BBOF1: variants seen among roughly 807,000 people sequenced by gnomAD.
BBOF1 encodes basal body orientation factor 1, also known as basal body-orientation factor 1.
BBOF1 carries 62 observed loss-of-function variants against 68.0 expected under a neutral mutation model. That is an observed-to-expected ratio of 0.91 (90% CI 0.74 to 1.13). The LOEUF (loss-of-function observed/expected upper bound fraction) is 1.13. Ranked by LOEUF, BBOF1 falls within the 50% of genes most tolerant of loss-of-function variation. The probability of loss-of-function intolerance (pLI) is 0.00; values close to 1 mark genes in which losing one functional copy is unlikely to be tolerated. For synonymous variants in BBOF1, 208 were observed against 198.8 expected (o/e 1.05, Z -0.39); for missense variants, 534 against 600.1 (o/e 0.89, Z 1.15).
At chr14:74,042,730 C>T (rs2059849742) in intron 5 of BBOF1, among the ~76,000 whole-genome samples, 1 of 152,054 alleles carries the variant, frequency 6.6e-6, no homozygotes, top group African/African-American at 2.4e-5. Flanking sequence ...ATTGCTTGAG[C>T]CCAGGAATTC....
chr14:74,019,470 G>A lies in BBOF1; in HGVS notation c.-9G>A, dbSNP rs373725332. On this transcript the variant is annotated 5_prime_UTR_variant, in exon 1 of 12. Coordinates refer to ENST00000394009, the MANE Select transcript of BBOF1 (RefSeq NM_025057.3). ...CAACTACGACAGCGGAGCCCCTGGG[G>A]AAGCCAAGATGCCGTCGAAGGGAAA... 214 of 1,602,752 alleles carry A rather than the reference G, an allele frequency of 1.3e-4. 1 individual carries two copies. The African/African-American group carries it at 2.5e-3, about 19-fold the overall frequency.
chr14:74,060,265 GATGGA>G (rs2060310810), intron 11 of BBOF1: 1 of 208,986 alleles, frequency 4.8e-6, no homozygotes, highest in Admixed American at 5.2e-5. Flanking sequence ...CTCCCAAAAT[GATGGA>G]ATTACAGGCG....
chr14:74,062,330 G>A (rs1413022854), intron 11 of BBOF1, among the ~76,000 whole-genome samples: 8 of 151,852 alleles, frequency 5.3e-5, no homozygotes, highest in East Asian at 1.9e-4. Context: ...GGCCGGGTGC[G>A]GTGACTCACT....
At chr14:74,072,103 A>G (rs1384301252) in intron 9 of BBOF1, 5 of 1,584,186 alleles carry the variant, frequency 3.2e-6, no homozygotes, top group South Asian at 1.1e-5. Context: ...ACGTCTCTGC[A>G]TACTGCAGAG....
At chr14:74,082,070 G>C (rs571057294) in intron 12 of BBOF1, among the ~76,000 whole-genome samples, 2 of 152,072 alleles carry the variant, frequency 1.3e-5, no homozygotes, top group African/African-American at 4.8e-5. Context: ...AGCTGGCATG[G>C]GGGCACGATC....
intron 2 of BBOF1, among the ~76,000 whole-genome samples, chr14:74,024,355 C>T (rs964738915): frequency 6.6e-6 from 1 of 152,094 alleles, no homozygotes; most frequent in African/African-American, 2.4e-5. Flanking sequence ...ACTCGGGAGG[C>T]TAAGGCGGGA....
At chr14:74,047,407 C>CTTTATTTATTTATTTATTTA (rs61067400) in intron 6 of BBOF1, among the ~76,000 whole-genome samples, 47 of 145,642 alleles carry the variant, frequency 3.2e-4, no homozygotes, top group East Asian at 1.2e-3. Flanking sequence ...TCCTTTTTCA[C>CTTTATTTATTTATTTATTTA]TTTATTTATT....
At chr14:74,064,593 C>T in intron 11 of BBOF1, 95 bp from the exon 12 acceptor site, 1 of 1,213,248 alleles carries the variant, frequency 8.2e-7, no homozygotes, top group South Asian at 1.2e-5. Context: ...AAGGCTTAGA[C>T]TTCCCCATGC....
intron 9 of BBOF1, 33 bp from the exon 10 acceptor site, chr14:74,056,873 T>TA: frequency 6.8e-7 from 1 of 1,463,868 alleles, no homozygotes; most frequent in East Asian, 2.3e-5. Context: ...CACTGCCTCA[T>TA]TCATTATCTT....
At chr14:74,043,618 G>A (rs1355722763) in intron 5 of BBOF1, among the ~76,000 whole-genome samples, 4 of 148,254 alleles carry the variant, frequency 2.7e-5, no homozygotes, top group African/African-American at 9.9e-5. Context: ...AGGTTGGAGT[G>A]CAGTGGCATG....
At position 74,065,642 on chromosome 14, in the gene BBOF1, T is replaced by C; in HGVS notation, c.*943T>C. On this transcript the variant is annotated 3_prime_UTR_variant, in exon 12 of 12. Coordinates refer to ENST00000394009, the MANE Select transcript of BBOF1 (RefSeq NM_025057.3). Reference sequence around the variant, plus strand: ...AGTTCATGACCCATCATCAGCTGCCTTTTTAATACCTGAACGACTAGTTTC... The same window carrying C: ...AGTTCATGACCCATCATCAGCTGCCCTTTTAATACCTGAACGACTAGTTTC... 2.6e-6 allele frequency: 1 copy of C among 378,852 alleles called. No individual in the cohort carries two copies. Among genetic ancestry groups the C allele is most frequent in the South Asian group, 3.1e-5 (1 of 32,226 alleles). 23.5% of individuals were successfully genotyped at this position (378,852 alleles called of 1,614,324 possible). A position where few individuals can be genotyped will look rare whatever the true frequency, so the allele number is the denominator to read the frequency against.
At chr14:74,079,339 C>T (rs879383242) in intron 10 of BBOF1, among the ~76,000 whole-genome samples, 7 of 151,826 alleles carry the variant, frequency 4.6e-5, no homozygotes, top group Admixed American at 2.0e-4. Flanking sequence ...CTCCACCTCC[C>T]GGGTTCAGGC....
chr14:74,019,677 T>C (rs1293612522), intron 1 of BBOF1, 143 bp downstream of exon 1: 44 of 1,386,698 alleles, frequency 3.2e-5, no homozygotes, highest in Non-Finnish European at 4.2e-5. Context: ...ACAGCTCCCA[T>C]GTCCATAGTC....
At chr14:74,040,441 G>T in intron 4 of BBOF1, 124 bp from the exon 5 acceptor site, 1 of 617,514 alleles carries the variant, frequency 1.6e-6, no homozygotes, top group Non-Finnish European at 2.8e-6. Context: ...TTTTTTCTGT[G>T]TGTTCAGGAT....
rs1415166822 is a variant in BBOF1 at position 74,049,804 on chromosome 14, C to G, written c.895C>G (p.Leu299Val). 5 of 1,614,042 alleles carry G rather than the reference C, an allele frequency of 3.1e-6. No individual in the cohort carries two copies. In the African/African-American group the frequency reaches 6.7e-5, roughly 22 times the overall value. Residue 299 changes from leucine (L) to valine (V), a missense_variant, in exon 8 of 12, where the codon CTG becomes GTG. Physicochemically the swap from Leu to Val is conservative, Grantham distance 32. Transcript: ENST00000394009. ...GAAGGTAGTAAACTTGGAGACTGCT[C>G]TGAGTTACATGACCAAAGAGTTTGA... is the stretch of plus-strand genomic sequence containing the variant. ...QKKVVNLETA[L>V]SYMTKEFESE... is the part of the protein sequence containing the mutation.
intron 3 of BBOF1, among the ~76,000 whole-genome samples, chr14:74,033,458 A>G (rs1016313513): frequency 1.3e-5 from 2 of 152,166 alleles, no homozygotes; most frequent in Non-Finnish European, 2.9e-5. Flanking sequence ...AATCCCAGCT[A>G]CGCGGGAGGC....
downstream of BBOF1, among the ~76,000 whole-genome samples, chr14:74,068,483 G>A (rs2060503558): frequency 6.6e-6 from 1 of 152,188 alleles, no homozygotes; most frequent in Non-Finnish European, 1.5e-5. Context: ...GCTTACGCCT[G>A]TAATCCCAGC....
chr14:74,026,444 C>CA (rs1166375665), intron 2 of BBOF1, among the ~76,000 whole-genome samples: 11,402 of 32,804 alleles, frequency 0.35, 2,049 homozygotes, highest in Admixed American at 0.4. Context: ...AACTCCATCT[C>CA]AAAAAAAAAA....
intron 11 of BBOF1, chr14:74,057,749 T>G: frequency 8.7e-7 from 1 of 1,155,512 alleles, no homozygotes; most frequent in Non-Finnish European, 1.1e-6. Context: ...GAAGCCACAT[T>G]AGAACAAAAA....
Sources: gnomAD v4.1 joint callset for allele counts (sites outside exome capture counted in the v4.1 genomes callset) on GRCh38, gnomAD v4.1.1 for gene constraint, MANE v1.5 for transcripts, NCBI Gene and HGNC (gene_info 2026-07-23, HGNC 2026-07-21) for gene names.